SPMIP3: variants seen among roughly 807,000 people sequenced by gnomAD.
SPMIP3 encodes protein SPMIP3.
the SPMIP3 span, among the ~76,000 whole-genome samples, chr1:244,386,236 T>C: frequency 1.4e-4 from 21 of 152,138 alleles, no homozygotes; most frequent in Non-Finnish European, 2.5e-4. Flanking sequence ...ATTAACATAT[T>C]TGGAATACAC....
At chr1:244,380,808 C>G in the SPMIP3 span, among the ~76,000 whole-genome samples, 1 of 152,018 alleles carries the variant, frequency 6.6e-6, no homozygotes, top group Non-Finnish European at 1.5e-5. Context: ...GCAAATGCAG[C>G]CATCAGGAAG....
the SPMIP3 span, among the ~76,000 whole-genome samples, chr1:244,381,217 C>T: frequency 0.18 from 26,927 of 151,854 alleles, 2,653 homozygotes; most frequent in African/African-American, 0.24. Flanking sequence ...GAAGAGGTGG[C>T]CAGAAAGCAT....
chr1:244,379,220 G>A, the SPMIP3 span, among the ~76,000 whole-genome samples: 35,944 of 149,240 alleles, frequency 0.24, 5,207 homozygotes, highest in Admixed American at 0.33. Context: ...GAGCCACTGC[G>A]CCCGGCCTTT....
the SPMIP3 span, among the ~76,000 whole-genome samples, chr1:244,371,774 G>C: frequency 6.6e-6 from 1 of 152,220 alleles, no homozygotes; most frequent in African/African-American, 2.4e-5. Flanking sequence ...AATATTCCAA[G>C]GTGGTGCTTC....
the SPMIP3 span, among the ~76,000 whole-genome samples, chr1:244,363,338 G>A: frequency 1.6e-4 from 24 of 152,144 alleles, no homozygotes; most frequent in Non-Finnish European, 3.2e-4. Flanking sequence ...AACCCGGGAG[G>A]TGGAGGTGGC....
chr1:244,365,515 C>T, the SPMIP3 span, among the ~76,000 whole-genome samples: 1 of 152,130 alleles, frequency 6.6e-6, no homozygotes, highest in Non-Finnish European at 1.5e-5. Context: ...CCTCCCCAGC[C>T]GTGTGGAACT....
the SPMIP3 span, among the ~76,000 whole-genome samples, chr1:244,372,651 G>T: frequency 8.5e-5 from 13 of 152,178 alleles, no homozygotes; most frequent in African/African-American, 1.4e-4. Context: ...CACCGCGTTA[G>T]CCAGGATGGT....
the SPMIP3 span, among the ~76,000 whole-genome samples, chr1:244,361,377 C>T: frequency 4.0e-5 from 6 of 151,566 alleles, no homozygotes; most frequent in East Asian, 7.7e-4. Flanking sequence ...TACAGGCATG[C>T]GCCACCATGC....
At chr1:244,374,749 A>C in the SPMIP3 span, among the ~76,000 whole-genome samples, 15 of 151,504 alleles carry the variant, frequency 9.9e-5, no homozygotes, top group African/African-American at 3.6e-4. Context: ...GGCATGTGCC[A>C]CCACGTCCAG....
the SPMIP3 span, among the ~76,000 whole-genome samples, chr1:244,375,911 C>T: frequency 2.0e-5 from 3 of 152,182 alleles, no homozygotes; most frequent in Non-Finnish European, 4.4e-5. Flanking sequence ...AAGTCATCCG[C>T]CCACTTTGGC....
chr1:244,353,003 T>C, the SPMIP3 span, among the ~76,000 whole-genome samples: 1 of 152,170 alleles, frequency 6.6e-6, no homozygotes, highest in Non-Finnish European at 1.5e-5. Context: ...GATAATTGGT[T>C]CTCTGTGATA....
At chr1:244,369,761 A>G in the SPMIP3 span, among the ~76,000 whole-genome samples, 1 of 152,176 alleles carries the variant, frequency 6.6e-6, no homozygotes, top group Admixed American at 6.5e-5. Context: ...TGTGGGAAGA[A>G]CTGGTTAGGA....
At chr1:244,378,410 A>G in the SPMIP3 span, 1 of 1,519,494 alleles carries the variant, frequency 6.6e-7, no homozygotes, top group Admixed American at 1.9e-5. Context: ...AGCTGACGAG[A>G]AAATGGACTG....
the SPMIP3 span, among the ~76,000 whole-genome samples, chr1:244,360,509 TACACACACACACACACACACACAC>T: frequency 6.8e-5 from 4 of 59,096 alleles, no homozygotes; most frequent in African/African-American, 2.0e-4. Context: ...AAACGTGATA[TACACACACACACACACACACACAC>T]ACACACACAC....
At chr1:244,387,892 A>G in the SPMIP3 span, among the ~76,000 whole-genome samples, 1 of 151,906 alleles carries the variant, frequency 6.6e-6, no homozygotes, top group Non-Finnish European at 1.5e-5. Flanking sequence ...ACACAAAAGA[A>G]TGGATGAACT....
chr1:244,381,789 G>A, the SPMIP3 span, among the ~76,000 whole-genome samples: 1 of 152,166 alleles, frequency 6.6e-6, no homozygotes, highest in Non-Finnish European at 1.5e-5. Context: ...AAATTAGCTG[G>A]GTGTGGTGGC....
the SPMIP3 span, among the ~76,000 whole-genome samples, chr1:244,372,678 T>C: frequency 0.72 from 109,256 of 152,022 alleles, 43,981 homozygotes; most frequent in Non-Finnish European, 0.9. Context: ...CTCCTGACCT[T>C]GCGATCCGCC....
chr1:244,374,163 T>C, the SPMIP3 span, among the ~76,000 whole-genome samples: 15 of 152,064 alleles, frequency 9.9e-5, no homozygotes, highest in African/African-American at 3.6e-4. Flanking sequence ...TTTTAAAGCA[T>C]AAAACCTGAG....
chr1:244,377,299 T>C, the SPMIP3 span, among the ~76,000 whole-genome samples: 2 of 151,962 alleles, frequency 1.3e-5, no homozygotes, highest in African/African-American at 4.8e-5. Flanking sequence ...TTCTTTTTTG[T>C]ATTTTTAGTA....
Sources: allele counts gnomAD v4.1 joint callset (sites outside exome capture counted in the v4.1 genomes callset), GRCh38; gene constraint gnomAD v4.1.1; transcripts MANE v1.5; gene names NCBI Gene and HGNC (gene_info 2026-07-23, HGNC 2026-07-21).